ARL13A: variants seen among roughly 807,000 people sequenced by gnomAD.
The protein encoded by ARL13A is ARF like GTPase 13A, also known as ADP-ribosylation factor-like protein 13A.
ARL13A carries 16 observed loss-of-function variants against 19.1 expected under a neutral mutation model. The ratio of observed to expected loss-of-function variants is 0.84; its 90% confidence interval spans 0.57 to 1.27. The LOEUF (loss-of-function observed/expected upper bound fraction) is 1.27. Among genes scored for constraint, ARL13A ranks in the 50% most tolerant of loss-of-function variants. ARL13A has a pLI of 0.00. For synonymous variants in ARL13A, 69 were observed against 71.3 expected, an observed-to-expected ratio of 0.97 and a Z score of 0.17; for missense variants, 153 against 186.4, an observed-to-expected ratio of 0.82 and a Z score of 1.04.
intron 3 of ARL13A, among the ~76,000 whole-genome samples, chrX:100,984,201 T>C (rs755807894): frequency 9.1e-6 from 1 of 109,665 alleles, no homozygotes; most frequent in Admixed American, 9.7e-5. Context: ...GCAACCTCTG[T>C]CTCCAGGGCT....
chrX:100,973,855 T>A, intron 2 of ARL13A, 107 bp downstream of exon 2: 1 of 865,824 alleles, frequency 1.2e-6, no homozygotes, highest in Non-Finnish European at 1.7e-6. Flanking sequence ...TTAGGTGAAG[T>A]GATTAAGCAG....
intron 3 of ARL13A, among the ~76,000 whole-genome samples, chrX:100,980,576 G>A (rs889652704): frequency 5.4e-5 from 6 of 110,587 alleles, no homozygotes; most frequent in Non-Finnish European, 9.4e-5. Context: ...GCTTGGTGCT[G>A]TATTTTACTG....
Position 100,982,069 on chromosome X carries a change from A to C in ARL13A, c.131-3598A>C, listed in dbSNP as rs2085864880. 2.7e-5 allele frequency among the ~76,000 whole-genome samples: 3 copies of C among 110,999 alleles called. No homozygotes were observed. The South Asian group carries it at 1.2e-3, about 44-fold the overall frequency. ...AACCACTGGCACAAGCAGGTGTCCT[A>C]AATGAGGACATTTAGACTAGCGCCT... On this transcript the variant is annotated intron_variant, in intron 3 of 7. Transcript: ENST00000450049.
Position 100,974,151 on chromosome X carries a change from C to T in ARL13A, c.84C>T (p.Gly28=). The T allele has an allele frequency of 8.4e-7, 1 of 1,192,899 alleles. No homozygotes were observed. Among genetic ancestry groups the T allele is most frequent in the Non-Finnish European group, 1.1e-6 (1 of 885,372 alleles). The change falls in exon 3 of 8, where the codon GGC becomes GGT. Residue 28 remains glycine, a synonymous_variant. Coordinates refer to ENST00000450049, the MANE Select transcript of ARL13A (RefSeq NM_001162491.2). ...GGAATGTGACCATCCCTATCATTGG[C>T]TTGAACAACTCTGGCAAAACTGTTC... The part of the protein sequence containing the change: ...TRRNVTIPII[G]LNNSGKTVLV...
At chrX:100,979,906 G>A (rs1028168224) in intron 3 of ARL13A, among the ~76,000 whole-genome samples, 1 of 111,634 alleles carries the variant, frequency 9.0e-6, no homozygotes, top group Non-Finnish European at 1.9e-5. Flanking sequence ...TGGTTTACCA[G>A]GCAAAGTCTC....
Position 100,986,834 on chromosome X carries a change from C to A in ARL13A, c.419C>A (p.Pro140His). ...NKQDKKKALM[P>H]CDIIDYLLLK... Reference sequence around the variant, plus strand: ...CAAGACAAGAAGAAAGCCCTCATGCCTTGTGATATTATTGACTATCTACTT... The same window carrying A: ...CAAGACAAGAAGAAAGCCCTCATGCATTGTGATATTATTGACTATCTACTT... The change falls in exon 5 of 8, where the codon CCT becomes CAT. Residue 140 changes from proline to histidine, a missense_variant. Physicochemically the swap from Pro to His is moderately conservative, Grantham distance 77 (BLOSUM62 -2). Transcript: ENST00000450049. The A allele has an allele frequency of 8.3e-7, 1 of 1,206,110 alleles. No individual in the cohort carries two copies. Among genetic ancestry groups the A allele is most frequent in the South Asian group, 1.8e-5 (1 of 55,952 alleles).
chrX:100,984,602 A>G (rs931286357), intron 3 of ARL13A, among the ~76,000 whole-genome samples: 2 of 112,653 alleles, frequency 1.8e-5, no homozygotes, highest in Admixed American at 9.4e-5. Context: ...CCTCATCTAC[A>G]GTAACAACCA....
rs771879206 is a variant in ARL13A at position 100,990,672 on chromosome X, C to T, written c.*84C>T. On this transcript the variant is annotated 3_prime_UTR_variant, in exon 8 of 8. Transcript: ENST00000450049. ...GAACAGAGACTTTACATCTTTGTAC[C>T]GAGATGCTGCTGACAAAGCTTGTGG... The T allele has an allele frequency of 1.7e-4, 160 of 960,387 alleles. No individual in the cohort carries two copies. The South Asian group carries it at 2.6e-3, about 15-fold the overall frequency. 79.1% of individuals were successfully genotyped at this position (960,387 alleles called of 1,213,427 possible).
chrX:100,977,997 A>G (rs1199742958), intron 3 of ARL13A, among the ~76,000 whole-genome samples: 1 of 111,831 alleles, frequency 8.9e-6, no homozygotes, highest in East Asian at 2.8e-4. Flanking sequence ...CAACATACTG[A>G]TTTCCCTTCT....
At position 100,975,771 on chromosome X, in the gene ARL13A, T is replaced by C. The variant is rs751995198; in HGVS notation, c.130+1574T>C. ...CCTCAGCCTCCCGAGTAGCTGGGAT[T>C]ACATGTGTGCACCACCACGCCTGGC... On this transcript the variant is annotated intron_variant, in intron 3 of 7. Transcript: ENST00000450049. Among the ~76,000 whole-genome samples, 4 of 109,989 alleles carry C rather than the reference T, an allele frequency of 3.6e-5. No individual in the cohort carries two copies. In the South Asian group the frequency reaches 1.6e-3, roughly 44 times the overall value.
At position 100,990,638 on chromosome X, in the gene ARL13A, G is replaced by A; in HGVS notation, c.*50G>A. On this transcript the variant is annotated 3_prime_UTR_variant, in exon 8 of 8. Transcript: ENST00000450049. ...ATCCATTGAGAATGAAGACCACCTTGGTAAAAAAGAACAGAGACTTTACAT... is the reference window on the plus strand; with the variant it reads ...ATCCATTGAGAATGAAGACCACCTTAGTAAAAAAGAACAGAGACTTTACAT... The A allele has an allele frequency of 9.2e-7, 1 of 1,091,405 alleles. No homozygotes were observed. Among genetic ancestry groups the A allele is most frequent in the Non-Finnish European group, 1.2e-6 (1 of 804,834 alleles). 89.9% of individuals were successfully genotyped at this position (1,091,405 alleles called of 1,213,427 possible).
chrX:100,990,347 G>T, intron 7 of ARL13A: 1 of 928,542 alleles, frequency 1.1e-6, no homozygotes, highest in Non-Finnish European at 1.3e-6. Flanking sequence ...GAAAGTAAAA[G>T]AAAGTAACAG....
At chrX:100,980,711 G>A (rs2085839787) in intron 3 of ARL13A, among the ~76,000 whole-genome samples, 1 of 111,956 alleles carries the variant, frequency 8.9e-6, no homozygotes, top group African/African-American at 3.2e-5. Context: ...CCTGAAGCCA[G>A]CACAATACCA....
intron 3 of ARL13A, among the ~76,000 whole-genome samples, chrX:100,981,565 A>G (rs2085855874): frequency 9.3e-6 from 1 of 107,844 alleles, no homozygotes; most frequent in Non-Finnish European, 1.9e-5. Context: ...GCACTTTGAG[A>G]GGCCAAGGCA....
chrX:100,972,182 C>T (rs2085662165), intron 1 of ARL13A, among the ~76,000 whole-genome samples: 1 of 87,229 alleles, frequency 1.1e-5, no homozygotes, highest in African/African-American at 4.3e-5. Context: ...CCCCACCTTT[C>T]CCGCCTTTCT....
chrX:100,986,897 G>A lies in ARL13A; in HGVS notation c.482G>A (p.Arg161Gln), dbSNP rs377660986. Residue 161 changes from arginine (R) to glutamine (Q), a missense_variant, in exon 5 of 8, where the codon CGA becomes CAA. By Grantham distance (43) the Arg-to-Gln change is conservative. Transcript: ENST00000450049. ...KLVKENKCPC[R>Q]VEPCSAIRNL... ...GTGAAAGAGAATAAGTGCCCATGCC[G>A]AGTAGTAAGTGTCAACCTCTTCCTT... is the stretch of plus-strand genomic sequence containing the variant. The A allele has an allele frequency of 2.7e-5, 31 of 1,168,150 alleles. No individual in the cohort carries two copies. Among genetic ancestry groups the A allele is most frequent in the East Asian group, 9.0e-5 (3 of 33,422 alleles).
chrX:100,982,389 GGCTGAGGTAGGAGAATT>G (rs935479375), intron 3 of ARL13A, among the ~76,000 whole-genome samples: 1 of 110,807 alleles, frequency 9.0e-6, no homozygotes, highest in Non-Finnish European at 1.9e-5. Context: ...CTACGCAGCA[GGCTGAGGTAGGAGAATT>G]GCTTGAACTC....
chrX:100,976,266 C>T (rs1351097090), intron 3 of ARL13A, among the ~76,000 whole-genome samples: 1 of 110,018 alleles, frequency 9.1e-6, no homozygotes, highest in Non-Finnish European at 1.9e-5. Context: ...GGCCAGCCAG[C>T]TTTTGGAAGC....
intron 1 of ARL13A, among the ~76,000 whole-genome samples, chrX:100,973,453 TG>T (rs1414368061): frequency 9.3e-6 from 1 of 107,992 alleles, no homozygotes; most frequent in Non-Finnish European, 1.9e-5. Flanking sequence ...CGGCAAAGAC[TG>T]AGACAGCTCC....
Sources: allele counts gnomAD v4.1 joint callset (sites outside exome capture counted in the v4.1 genomes callset), GRCh38; gene constraint gnomAD v4.1.1; transcripts MANE v1.5; gene names NCBI Gene and HGNC (gene_info 2026-07-23, HGNC 2026-07-21).